The following CCDC85C variants were observed in gnomAD, a reference collection of about 807,000 sequenced individuals.
CCDC85C encodes the protein coiled-coil domain-containing protein 85C.
CCDC85C carries 18 observed loss-of-function variants against 38.3 expected under a neutral mutation model. The ratio of observed to expected loss-of-function variants is 0.47; its 90% CI spans 0.33 to 0.70. The LOEUF (loss-of-function observed/expected upper bound fraction) is 0.70. Ranked by LOEUF, CCDC85C falls within the 30% of genes least tolerant of loss-of-function variation. CCDC85C has a pLI of 0.03. For missense variants in CCDC85C, 566 were observed against 621.2 expected (o/e 0.91, Z 0.94); for synonymous variants, 264 against 293.8 (o/e 0.90, Z 1.04).
At chr14:99,594,955 G>A (rs1199220305) in intron 1 of CCDC85C, among the ~76,000 whole-genome samples, 1 of 152,212 alleles carries the variant, frequency 6.6e-6, no homozygotes, top group East Asian at 1.9e-4. Context: ...GGGATAAGCT[G>A]TAAAAAGTTT....
rs1410632476 is a variant in CCDC85C at position 99,533,013 on chromosome 14, C to T, written c.867+3002G>A. Among the ~76,000 whole-genome samples the T allele has an allele frequency of 6.6e-6, 1 of 152,080 alleles. No individual in the cohort carries two copies. Among genetic ancestry groups the T allele is most frequent in the Non-Finnish European group, 1.5e-5 (1 of 68,012 alleles). On this transcript the variant is annotated intron_variant, in intron 2 of 5. Coordinates refer to ENST00000380243, the MANE Select transcript of CCDC85C (RefSeq NM_001144995.2). This position sits in a 1 kb window ranked among gnomAD's most constrained non-coding sequence, Gnocchi z 4.2. ...CCCAGGCTGATCTCAAATTCCTGAC[C>T]TCAAGTGATCCGCCCACCTCAGCCT...
intron 1 of CCDC85C, among the ~76,000 whole-genome samples, chr14:99,590,198 G>A (rs1476957389): frequency 1.3e-5 from 2 of 152,108 alleles, no homozygotes; most frequent in Non-Finnish European, 2.9e-5. Context: ...AAGGCCTCCT[G>A]ACCACTCCTG....
chr14:99,539,657 C>T (rs1006088357), intron 1 of CCDC85C, among the ~76,000 whole-genome samples: 5 of 152,090 alleles, frequency 3.3e-5, no homozygotes, highest in African/African-American at 7.2e-5. Flanking sequence ...AAGAACTGGA[C>T]ACAAAATGAC....
In CCDC85C at chr14:99,535,513, C is replaced by T. The variant is rs963062346; in HGVS notation, c.867+502G>A. 3.9e-5 allele frequency among the ~76,000 whole-genome samples: 6 copies of T among 152,168 alleles called. No homozygotes were observed. Among genetic ancestry groups the T allele is most frequent in the African/African-American group, 1.4e-4 (6 of 41,442 alleles). ...CTCACCCAACCCCACCTCCCCCCTA[C>T]AGCCAACCCCTCCCACGCCGTGCCC... On this transcript the variant is annotated intron_variant, in intron 2 of 5. Coordinates refer to ENST00000380243, the MANE Select transcript of CCDC85C (RefSeq NM_001144995.2). The surrounding 1 kb of genome is among the most constrained non-coding windows in gnomAD (Gnocchi z 5.5).
At position 99,571,773 on chromosome 14, in the gene CCDC85C, C is replaced by T. The variant is rs143704040; in HGVS notation, c.793+31394G>A. 9.8e-3 allele frequency among the ~76,000 whole-genome samples: 1,486 copies of T among 152,324 alleles called. 9 individuals carry two copies. Among genetic ancestry groups the T allele is most frequent in the Admixed American group, 0.024 (360 of 15,304 alleles). The stretch of plus-strand genomic sequence containing the variant: ...CGGGCCTTTGCCAATGTAAATATTT[C>T]AGGCAGGTAGGTGCCCAGTTCAATG... On this transcript the variant is annotated intron_variant, in intron 1 of 5. Coordinates refer to ENST00000380243, the MANE Select transcript of CCDC85C (RefSeq NM_001144995.2).
At chr14:99,542,727 A>G (rs1194791986) in intron 1 of CCDC85C, among the ~76,000 whole-genome samples, 1 of 152,194 alleles carries the variant, frequency 6.6e-6, no homozygotes, top group East Asian at 1.9e-4. Context: ...CCCAGCAGGC[A>G]CTAACCCTTG....
At chr14:99,577,917 A>AGTGTCT (rs555067698) in intron 1 of CCDC85C, among the ~76,000 whole-genome samples, 1,643 of 117,140 alleles carry the variant, frequency 0.014, 37 homozygotes, top group African/African-American at 0.053. Context: ...ATCCCCCATC[A>AGTGTCT]GTGTGTGTGT....
intron 1 of CCDC85C, among the ~76,000 whole-genome samples, chr14:99,553,144 C>T (rs1218258291): frequency 1.3e-5 from 2 of 152,208 alleles, no homozygotes; most frequent in South Asian, 4.1e-4. Flanking sequence ...GTCTCTGAGC[C>T]TCTCATGTTC....
intron 1 of CCDC85C, among the ~76,000 whole-genome samples, chr14:99,567,555 G>A (rs1259477033): frequency 6.6e-6 from 1 of 152,014 alleles, no homozygotes; most frequent in African/African-American, 2.4e-5. Flanking sequence ...CCGGACACAG[G>A]GGCTCATGCC....
intron 3 of CCDC85C, among the ~76,000 whole-genome samples, chr14:99,521,789 A>C (rs1272963169): frequency 6.6e-6 from 1 of 152,236 alleles, no homozygotes; most frequent in African/African-American, 2.4e-5. Context: ...ATTTCAGTGC[A>C]GAATCCACAA....
intron 3 of CCDC85C, among the ~76,000 whole-genome samples, chr14:99,518,442 G>A (rs1011638014): frequency 1.3e-5 from 2 of 152,162 alleles, no homozygotes; most frequent in African/African-American, 2.4e-5. Flanking sequence ...CGGTTTCCTC[G>A]TCTGGACAAT....
chr14:99,502,854 C>G lies in CCDC85C; in HGVS notation c.*12392G>C, dbSNP rs935270794. 28 of 1,613,308 alleles carry G rather than the reference C, an allele frequency of 1.7e-5. No homozygotes were observed. Among genetic ancestry groups the G allele is most frequent in the Non-Finnish European group, 2.3e-5 (27 of 1,179,610 alleles). ...CCGCAAGTACAGCAGTCACAGCCGT[C>G]TCAAAGCTCCGAACCATCCCAGCCC... On this transcript the variant is annotated 3_prime_UTR_variant, in exon 6 of 6. Transcript: ENST00000380243.
At chr14:99,560,166 G>A (rs1320838754) in intron 1 of CCDC85C, among the ~76,000 whole-genome samples, 2 of 152,110 alleles carry the variant, frequency 1.3e-5, no homozygotes, top group Non-Finnish European at 2.9e-5. Flanking sequence ...AGCCCAGAGT[G>A]GCCTCCACCA....
chr14:99,598,435 GGTGGCAA>G (rs1275745103), intron 1 of CCDC85C, among the ~76,000 whole-genome samples: 1 of 152,210 alleles, frequency 6.6e-6, no homozygotes, highest in African/African-American at 2.4e-5. Context: ...CGACTGCTGC[GGTGGCAA>G]GCCAGCCTCG....
At position 99,544,489 on chromosome 14, in the gene CCDC85C, GGTGT is replaced by G. The variant is rs111754976; in HGVS notation, c.794-8405_794-8402del. On this transcript the variant is annotated intron_variant, in intron 1 of 5. Coordinates refer to ENST00000380243, the MANE Select transcript of CCDC85C (RefSeq NM_001144995.2). This position sits in a 1 kb window ranked among gnomAD's most constrained non-coding sequence, Gnocchi z 5.3. Reference sequence around the variant, plus strand: ...ATAAAAACAGGGCTAAAATTTGAAGGGTGTGTGTGTGTGTGTGTGTGTGTGTGTC... The same window carrying G: ...ATAAAAACAGGGCTAAAATTTGAAGGGTGTGTGTGTGTGTGTGTGTGTGTC... 5.7e-3 allele frequency among the ~76,000 whole-genome samples: 842 copies of G among 147,960 alleles called. 16 individuals are homozygous for G. The highest frequency in any genetic ancestry group is 0.038 in the Admixed American group (557 of 14,784).
chr14:99,532,922 C>T (rs1897522150), intron 2 of CCDC85C, among the ~76,000 whole-genome samples: 1 of 152,014 alleles, frequency 6.6e-6, no homozygotes, highest in Non-Finnish European at 1.5e-5. Flanking sequence ...GCTGGGATTA[C>T]AGGCACGTGC....
Position 99,516,908 on chromosome 14 carries a change from T to G in CCDC85C, c.1071+180A>C, listed in dbSNP as rs747423527. Among the ~76,000 whole-genome samples the G allele has an allele frequency of 1.3e-5, 2 of 152,152 alleles. No individual in the cohort carries two copies. The highest frequency in any genetic ancestry group is 2.4e-5 in the African/African-American group (1 of 41,412). On this transcript the variant is annotated intron_variant, in intron 4 of 5. Coordinates refer to ENST00000380243, the MANE Select transcript of CCDC85C (RefSeq NM_001144995.2). The surrounding 1 kb of genome is among the most constrained non-coding windows in gnomAD (Gnocchi z 5.5). ...GGATGGCAGACAGGTGACACACTTA[T>G]GACTGCCACCTCTGAGTTCAACCTC...
chr14:99,525,004 G>T (rs1175836496), intron 2 of CCDC85C, among the ~76,000 whole-genome samples: 1 of 152,216 alleles, frequency 6.6e-6, no homozygotes. Context: ...ACTCAGCGTG[G>T]CCCCTTCCAC....
chr14:99,532,352 C>G (rs908429426), intron 2 of CCDC85C, among the ~76,000 whole-genome samples: 9 of 152,222 alleles, frequency 5.9e-5, no homozygotes, highest in Admixed American at 6.5e-5. Context: ...TGCCCTGCCA[C>G]GAGCTCTCTT....
Sources: allele counts gnomAD v4.1 joint callset (sites outside exome capture counted in the v4.1 genomes callset), GRCh38; gene constraint gnomAD v4.1.1; non-coding constraint Gnocchi (gnomAD v3.1); transcripts MANE v1.5; gene names NCBI Gene and HGNC (gene_info 2026-07-23, HGNC 2026-07-21).